PALM2AKAP2: variants seen among roughly 807,000 people sequenced by gnomAD.
PALM2AKAP2 encodes PALM2 and AKAP2 fusion, also known as PALM2-AKAP2 fusion protein.
Under a neutral mutation model 71.5 loss-of-function variants are expected in PALM2AKAP2, and 37 were observed. The ratio of observed to expected loss-of-function variants is 0.52; its 90% CI spans 0.40 to 0.68. The LOEUF is 0.68. PALM2AKAP2 is among the 30% of genes least tolerant of loss of function. PALM2AKAP2 has a pLI of 0.00. For synonymous variants in PALM2AKAP2, 468 were observed against 478.8 expected (o/e 0.98, Z 0.29); for missense variants, 1,224 against 1,191.8 (o/e 1.03, Z -0.40).
intron 1 of PALM2AKAP2, among the ~76,000 whole-genome samples, chr9:109,827,333 T>C (rs1828177686): frequency 6.6e-6 from 1 of 152,182 alleles, no homozygotes; most frequent in African/African-American, 2.4e-5. Flanking sequence ...TTATGAGTTA[T>C]GGCCAGACGC....
At chr9:110,060,260 G>A (rs59591770) in intron 1 of PALM2AKAP2, among the ~76,000 whole-genome samples, 6,314 of 151,812 alleles carry the variant, frequency 0.042, 431 homozygotes, top group African/African-American at 0.14. Flanking sequence ...CAACAGGTGC[G>A]CACCACAACA....
chr9:109,738,951 C>T (rs1406820932), intron 1 of PALM2AKAP2, among the ~76,000 whole-genome samples: 1 of 152,204 alleles, frequency 6.6e-6, no homozygotes, highest in Non-Finnish European at 1.5e-5. Context: ...TCCGAACTCT[C>T]AGAATTTCCA....
intron 1 of PALM2AKAP2, among the ~76,000 whole-genome samples, chr9:109,661,647 G>C (rs1268217796): frequency 6.6e-6 from 1 of 152,156 alleles, no homozygotes; most frequent in Non-Finnish European, 1.5e-5. Context: ...GGCAATGTGG[G>C]CTCTTTTTTG....
intron 1 of PALM2AKAP2, among the ~76,000 whole-genome samples, chr9:110,074,832 G>A (rs574137129): frequency 4.8e-4 from 73 of 151,888 alleles, no homozygotes; most frequent in African/African-American, 1.6e-3. Context: ...GTGAAACCCC[G>A]TCTCTACTAG....
At chr9:109,940,612 A>G (rs895600529) in intron 6 of PALM2AKAP2, among the ~76,000 whole-genome samples, 8 of 152,114 alleles carry the variant, frequency 5.3e-5, no homozygotes, top group Admixed American at 2.0e-4. Context: ...AGAGGTAGGG[A>G]CTCAAGACAA....
intron 1 of PALM2AKAP2, among the ~76,000 whole-genome samples, chr9:109,843,501 T>G (rs1828766248): frequency 6.6e-6 from 1 of 152,114 alleles, no homozygotes; most frequent in African/African-American, 2.4e-5. Flanking sequence ...GTGTATTACT[T>G]GTATTTATCA....
At chr9:110,011,014 A>AT (rs1554737803) in intron 6 of PALM2AKAP2, among the ~76,000 whole-genome samples, 8 of 69,590 alleles carry the variant, frequency 1.1e-4, no homozygotes, top group East Asian at 1.1e-3. Context: ...AAAAAAAAAA[A>AT]ATATATATAT....
intron 3 of PALM2AKAP2, among the ~76,000 whole-genome samples, chr9:109,920,854 CAT>C: frequency 6.6e-6 from 1 of 152,178 alleles, no homozygotes; most frequent in South Asian, 2.1e-4. Context: ...TTGGTAGTAT[CAT>C]CCAGTCTACA....
chr9:110,014,820 A>G (rs55707466), intron 6 of PALM2AKAP2, among the ~76,000 whole-genome samples: 2,077 of 81,402 alleles, frequency 0.026, 224 homozygotes, highest in African/African-American at 0.081. Context: ...ATATATATAT[A>G]TATATATATA....
intron 1 of PALM2AKAP2, among the ~76,000 whole-genome samples, chr9:110,125,339 G>A (rs1011588343): frequency 6.6e-6 from 1 of 152,230 alleles, no homozygotes; most frequent in African/African-American, 2.4e-5. Context: ...AGCAGGCCGG[G>A]CCTGCTCTGG....
At chr9:110,157,303 T>C (rs1836481569) in intron 3 of PALM2AKAP2, among the ~76,000 whole-genome samples, 1 of 152,230 alleles carries the variant, frequency 6.6e-6, no homozygotes, top group Non-Finnish European at 1.5e-5. Flanking sequence ...TAGCTTGGGT[T>C]GGTTGAGGAT....
At chr9:109,902,579 T>C (rs939309839) in intron 3 of PALM2AKAP2, among the ~76,000 whole-genome samples, 2 of 152,280 alleles carry the variant, frequency 1.3e-5, no homozygotes, top group Non-Finnish European at 2.9e-5. Context: ...TGTGTCAGCA[T>C]TGACTTCTTT....
intron 7 of PALM2AKAP2, among the ~76,000 whole-genome samples, chr9:110,025,541 T>C (rs1453514459): frequency 6.6e-6 from 1 of 152,204 alleles, no homozygotes; most frequent in Non-Finnish European, 1.5e-5. Flanking sequence ...TTCCTTTGTC[T>C]TGGGATTGTA....
intron 5 of PALM2AKAP2, among the ~76,000 whole-genome samples, chr9:109,930,710 G>A (rs1414167220): frequency 6.6e-6 from 1 of 152,164 alleles, no homozygotes; most frequent in Non-Finnish European, 1.5e-5. Context: ...AAAGAAAGCT[G>A]CTAGAATGGA....
At chr9:109,744,271 G>A (rs1828764705) in intron 1 of PALM2AKAP2, among the ~76,000 whole-genome samples, 1 of 152,124 alleles carries the variant, frequency 6.6e-6, no homozygotes, top group African/African-American at 2.4e-5. Flanking sequence ...AAAATTATAG[G>A]TATTTTGAGT....
intron 1 of PALM2AKAP2, among the ~76,000 whole-genome samples, chr9:109,702,527 G>A (rs1828077402): frequency 6.6e-6 from 1 of 151,262 alleles, no homozygotes; most frequent in South Asian, 2.1e-4. Flanking sequence ...TCACTCATAG[G>A]TGGGAATTGA....
chr9:109,799,802 G>T (rs780248126), intron 1 of PALM2AKAP2, among the ~76,000 whole-genome samples: 129 of 152,262 alleles, frequency 8.5e-4, no homozygotes, highest in Middle Eastern at 3.4e-3. Flanking sequence ...CCACCATTAG[G>T]TTTTTAACTG....
chr9:109,893,802 G>A (rs915574589), intron 3 of PALM2AKAP2, among the ~76,000 whole-genome samples: 5 of 152,136 alleles, frequency 3.3e-5, no homozygotes, highest in Non-Finnish European at 5.9e-5. Flanking sequence ...ACGTGGACAC[G>A]TGGTGCGGAC....
intron 6 of PALM2AKAP2, chr9:109,942,800 A>G (rs1831406573): frequency 1.2e-6 from 2 of 1,614,186 alleles, no homozygotes; most frequent in East Asian, 2.2e-5. Flanking sequence ...GTCAAAGTCT[A>G]TGATGATGGT....
Sources: allele counts gnomAD v4.1 joint callset (sites outside exome capture counted in the v4.1 genomes callset), GRCh38; gene constraint gnomAD v4.1.1; transcripts MANE v1.5; gene names NCBI Gene and HGNC (gene_info 2026-07-23, HGNC 2026-07-21).